Variants in CSMD3 observed in about 807,000 individuals in gnomAD.
The protein encoded by CSMD3 is CUB and Sushi multiple domains 3, also known as CUB and sushi domain-containing protein 3.
Under a neutral mutation model 435.2 loss-of-function variants are expected in CSMD3, and 177 were observed. The observed-to-expected ratio is 0.41, with a 90% CI of 0.36 to 0.46. The LOEUF (loss-of-function observed/expected upper bound fraction) is 0.46, where lower values mean the gene tolerates loss of function less well. CSMD3 is among the 20% of genes least tolerant of loss of function. The pLI is 0.34. For synonymous variants in CSMD3, 1,656 were observed against 1,520.5 expected, an observed-to-expected ratio of 1.09 and a Z score of -2.07; for missense variants, 4,265 against 4,504.6, an observed-to-expected ratio of 0.95 and a Z score of 1.52.
At chr8:112,255,529 G>A in intron 61 of CSMD3, 102 bp from the exon 62 acceptor site, 2 of 1,013,966 alleles carry the variant, frequency 2.0e-6, no homozygotes, top group Non-Finnish European at 3.0e-6. Context: ...GTACTAAAGA[G>A]ATATATTATT....
At chr8:112,539,416 T>C (rs1330183718) in intron 27 of CSMD3, 2 of 152,076 alleles carry the variant, frequency 1.3e-5, no homozygotes, top group Admixed American at 1.3e-4. Context: ...TTTTAAAAAT[T>C]CTAAAATTCC....
intron 1 of CSMD3, among the ~76,000 whole-genome samples, chr8:113,434,759 C>A (rs750450879): frequency 6.6e-6 from 1 of 152,206 alleles, no homozygotes; most frequent in Non-Finnish European, 1.5e-5. Context: ...CCTTTCCTTT[C>A]TATCGGCGCA....
chr8:112,887,198 G>GTT (rs200825945), intron 10 of CSMD3, among the ~76,000 whole-genome samples: 7 of 135,202 alleles, frequency 5.2e-5, no homozygotes, highest in East Asian at 2.2e-4. Context: ...ACAATTATTT[G>GTT]TTTTTTTTTT....
intron 24 of CSMD3, among the ~76,000 whole-genome samples, chr8:112,568,569 A>AAAAAG (rs1158645056): frequency 2.0e-5 from 3 of 152,020 alleles, no homozygotes; most frequent in Non-Finnish European, 2.9e-5. Context: ...CTGAAAAAAA[A>AAAAAG]AAAAGAAAAG....
chr8:113,342,188 C>T (rs1166762656), intron 1 of CSMD3, among the ~76,000 whole-genome samples: 4 of 152,010 alleles, frequency 2.6e-5, no homozygotes, highest in African/African-American at 9.7e-5. Flanking sequence ...TGTCGGAAAG[C>T]CTATCAATCA....
At chr8:113,246,001 G>C (rs1485292511) in intron 3 of CSMD3, among the ~76,000 whole-genome samples, 1 of 151,868 alleles carries the variant, frequency 6.6e-6, no homozygotes, top group South Asian at 2.1e-4. Flanking sequence ...CCTTATGTGT[G>C]ATTAGTTGTT....
At chr8:112,954,333 A>T (rs776753594) in intron 8 of CSMD3, among the ~76,000 whole-genome samples, 7 of 151,580 alleles carry the variant, frequency 4.6e-5, no homozygotes, top group Non-Finnish European at 1.0e-4. Flanking sequence ...TCAATCAAGA[A>T]TTCCTACAAG....
At chr8:112,989,713 G>A (rs2134842) in intron 6 of CSMD3, among the ~76,000 whole-genome samples, 103,429 of 151,790 alleles carry the variant, frequency 0.68, 37,062 homozygotes, top group East Asian at 0.95. Context: ...ATGACTTGCT[G>A]TGACCAACAG....
At chr8:112,845,538 CTAAA>C (rs1257781557) in intron 11 of CSMD3, among the ~76,000 whole-genome samples, 6 of 152,010 alleles carry the variant, frequency 3.9e-5, no homozygotes, top group Non-Finnish European at 7.4e-5. Flanking sequence ...GCTTTGGGGG[CTAAA>C]TAGAGTGTTG....
At chr8:112,241,955 G>A (rs1165387211) in intron 65 of CSMD3, among the ~76,000 whole-genome samples, 170 bp from the exon 66 acceptor site, 1 of 151,846 alleles carries the variant, frequency 6.6e-6, no homozygotes, top group Admixed American at 6.6e-5. Context: ...CAACATCTCA[G>A]TCCCCTACTC....
intron 22 of CSMD3, 22 bp from the exon 23 acceptor site, chr8:112,587,257 G>A (rs2131354730): frequency 6.4e-7 from 1 of 1,573,172 alleles, no homozygotes; most frequent in African/African-American, 1.3e-5. Flanking sequence ...ACAGAATATT[G>A]AAGTACAGTT....
chr8:112,485,536 T>C (rs1820042214), intron 31 of CSMD3, among the ~76,000 whole-genome samples: 2 of 152,112 alleles, frequency 1.3e-5, no homozygotes, highest in African/African-American at 2.4e-5. Flanking sequence ...TTTGTAAACC[T>C]CAAGGACATT....
intron 12 of CSMD3, among the ~76,000 whole-genome samples, chr8:112,817,566 A>T (rs182315922): frequency 1.3e-3 from 195 of 152,202 alleles, no homozygotes; most frequent in African/African-American, 4.5e-3. Context: ...TTGTCACTAG[A>T]CGACTCTGAA....
chr8:112,255,154 T>C, intron 62 of CSMD3, 100 bp downstream of exon 62: 1 of 975,024 alleles, frequency 1.0e-6, no homozygotes, highest in South Asian at 1.5e-5. Context: ...CTTGTTTTTA[T>C]ATTAAGCCAA....
chr8:112,679,835 G>T (rs529483780), intron 16 of CSMD3, among the ~76,000 whole-genome samples: 1 of 152,200 alleles, frequency 6.6e-6, no homozygotes, highest in African/African-American at 2.4e-5. Context: ...TGCAGGGGAG[G>T]GTGAGGCTCA....
intron 1 of CSMD3, among the ~76,000 whole-genome samples, chr8:113,410,592 A>G (rs2094553606): frequency 6.6e-6 from 1 of 152,038 alleles, no homozygotes; most frequent in South Asian, 2.1e-4. Context: ...TTTAGAAATG[A>G]GTGGTCCCCA....
chr8:112,247,816 A>G (rs1814887066), intron 63 of CSMD3, among the ~76,000 whole-genome samples: 1 of 152,194 alleles, frequency 6.6e-6, no homozygotes, highest in African/African-American at 2.4e-5. Context: ...AAAACCAATA[A>G]TCTGTTTTAA....
chr8:113,034,868 T>C (rs1321258842), intron 5 of CSMD3, among the ~76,000 whole-genome samples: 1 of 151,956 alleles, frequency 6.6e-6, no homozygotes, highest in Non-Finnish European at 1.5e-5. Flanking sequence ...GAAAATAAAT[T>C]CATCAATAAA....
At chr8:112,634,818 A>C (rs562988425) in intron 22 of CSMD3, among the ~76,000 whole-genome samples, 1 of 151,904 alleles carries the variant, frequency 6.6e-6, no homozygotes, top group South Asian at 2.1e-4. Flanking sequence ...TTAGTTCTCT[A>C]TGATAGATTC....
Sources: gnomAD v4.1 joint callset for allele counts (sites outside exome capture counted in the v4.1 genomes callset) on GRCh38, gnomAD v4.1.1 for gene constraint, MANE v1.5 for transcripts, NCBI Gene and HGNC (gene_info 2026-07-23, HGNC 2026-07-21) for gene names.